ESS2: variants seen among roughly 807,000 people sequenced by gnomAD.
ESS2 encodes the protein ess-2 spliceosome associated protein, also known as splicing factor ESS-2 homolog.
In ESS2, 31 loss-of-function variants were observed where a neutral mutation model predicts 52.0. The ratio of observed to expected loss-of-function variants is 0.60; its 90% CI spans 0.45 to 0.81. ESS2 has a LOEUF of 0.81. Ranked by LOEUF, ESS2 falls within the 30% of genes least tolerant of loss-of-function variation. The pLI is 0.00. For missense variants in ESS2, 602 were observed against 637.2 expected (o/e 0.94, Z 0.59); for synonymous variants, 285 against 259.2 (o/e 1.10, Z -0.95).
In ESS2 at chr22:19,132,015, C is replaced by T; in HGVS notation, c.*2181G>A. On this transcript the variant is annotated 3_prime_UTR_variant, in exon 10 of 10. Transcript: ENST00000252137. This position sits in a 1 kb window ranked among gnomAD's most constrained non-coding sequence, Gnocchi z 4.2. Reference sequence around the variant, plus strand: ...TGACATCTGGAGCCTGGGCGTGATCCTGTACATCATGGTCTGCGGCTCCAT... The same window carrying T: ...TGACATCTGGAGCCTGGGCGTGATCTTGTACATCATGGTCTGCGGCTCCAT... 6.2e-7 allele frequency: 1 copy of T among 1,614,084 alleles called. No homozygotes were observed. The highest frequency in any genetic ancestry group is 8.5e-7 in the Non-Finnish European group (1 of 1,179,976).
At chr22:19,139,011 G>T in intron 6 of ESS2, 148 bp downstream of exon 6, 1 of 1,141,472 alleles carries the variant, frequency 8.8e-7, no homozygotes, top group East Asian at 2.6e-5. Flanking sequence ...CTGGGGCCAA[G>T]GAAAGACTCA....
intron 6 of ESS2, 127 bp downstream of exon 6, chr22:19,139,032 G>A (rs989206347): frequency 2.2e-5 from 29 of 1,296,774 alleles, no homozygotes; most frequent in East Asian, 1.5e-4. Context: ...GGATCCTGCC[G>A]CACAGGGCCC....
In ESS2 at chr22:19,139,290, C is replaced by CGAAGCTG. The variant is rs1219987976; in HGVS notation, c.690_691insCAGCTTC (p.Val231GlnfsTer5). On this transcript the variant is annotated frameshift_variant and splice_region_variant, in exon 6 of 10. Transcript: ENST00000252137. LOFTEE classifies it high-confidence loss of function. ...TTAAACAGCTGCTCCTCGTCAGGGA[C>CGAAGCTG]ACCTGGCAGACGAAGCAAAGGTAGC... 6.3e-7 allele frequency: 1 copy of CGAAGCTG among 1,590,724 alleles called. No homozygotes were observed. The highest frequency in any genetic ancestry group is 1.7e-5 in the Admixed American group (1 of 57,642).
In ESS2 at chr22:19,131,353, A is replaced by G. The variant is rs752034286; in HGVS notation, c.*2843T>C. ...ATGAGGACAATGCCTGCTGGCCCAC[A>G]TGACGGGGGGATGTAGACGGCAGCG... On this transcript the variant is annotated 3_prime_UTR_variant, in exon 10 of 10. Coordinates refer to ENST00000252137, the MANE Select transcript of ESS2 (RefSeq NM_022719.3). This position sits in a 1 kb window ranked among gnomAD's most constrained non-coding sequence, Gnocchi z 5.7. 2.6e-6 allele frequency: 4 copies of G among 1,509,676 alleles called. No individual in the cohort carries two copies. The highest frequency in any genetic ancestry group is 2.8e-5 in the African/African-American group (2 of 71,952). 93.5% of individuals were successfully genotyped at this position (1,509,676 alleles called of 1,614,324 possible).
At chr22:19,134,606 G>T in intron 9 of ESS2, 131 bp from the exon 10 acceptor site, 1 of 1,004,994 alleles carries the variant, frequency 1.0e-6, no homozygotes, top group Non-Finnish European at 1.4e-6. Flanking sequence ...GGATGGTACT[G>T]CCAGCATGGC....
Position 19,139,172 on chromosome 22 carries a change from G to T in ESS2, c.809C>A (p.Ala270Asp). The change falls in exon 6 of 10, where the codon GCC (alanine) becomes GAC (aspartate). Residue 270 changes from alanine (A) to aspartate (D), a missense_variant. Physicochemically the swap from Ala to Asp is moderately radical, Grantham distance 126. Transcript: ENST00000252137. ...CCGCCTGCTCACCTGGGCATTGAGG[G>T]CGGCTGCCTGCTGGAGCTGGCACCT... ...LSRCQLQQAAALNAQHKQGKV... is the reference protein window; with the variant it reads ...LSRCQLQQAADLNAQHKQGKV... 4 of 1,598,518 alleles carry T rather than the reference G, an allele frequency of 2.5e-6. No individual in the cohort carries two copies. The highest frequency in any genetic ancestry group is 2.6e-6 in the Non-Finnish European group (3 of 1,172,244).
chr22:19,132,712 C>G lies in ESS2; in HGVS notation c.*1484G>C. The G allele has an allele frequency of 1.9e-6, 1 of 526,532 alleles. No individual in the cohort carries two copies. Among genetic ancestry groups the G allele is most frequent in the Non-Finnish European group, 3.4e-6 (1 of 296,378 alleles). The allele number at this position is 526,532 out of a possible 1,614,324, so 32.6% of individuals were successfully genotyped here. A position where few individuals can be genotyped will look rare whatever the true frequency, so the allele number is the denominator to read the frequency against. ...AGGGTGTGTGCAAGCATCAAGAGTG[C>G]CCAGTGAGGAGTGTTTTTCTCTGGG... On this transcript the variant is annotated 3_prime_UTR_variant, in exon 10 of 10. Coordinates refer to ENST00000252137, the MANE Select transcript of ESS2 (RefSeq NM_022719.3). The surrounding 1 kb of genome is among the most constrained non-coding windows in gnomAD (Gnocchi z 4.2).
Position 19,133,311 on chromosome 22 carries a change from C to G in ESS2, c.*885G>C, listed in dbSNP as rs2083528227. 1 of 152,636 alleles carries G rather than the reference C, an allele frequency of 6.6e-6. No homozygotes were observed. Among genetic ancestry groups the G allele is most frequent in the South Asian group, 2.1e-4 (1 of 4,832 alleles). The allele number at this position is 152,636 out of a possible 1,614,324, so 9.5% of individuals were successfully genotyped here. A position where few individuals can be genotyped will look rare whatever the true frequency, so the allele number is the denominator to read the frequency against. ...CCCCTCCCTCCCCACTTCCTGGGGG[C>G]TCCCTTGGGATAACGTGCACCCTTT... On this transcript the variant is annotated 3_prime_UTR_variant, in exon 10 of 10. Transcript: ENST00000252137.
chr22:19,134,041 C>A lies in ESS2; in HGVS notation c.*155G>T. On this transcript the variant is annotated 3_prime_UTR_variant, in exon 10 of 10. Transcript: ENST00000252137. ...GTGGGCACGAGTGCCTTGTGCCAGT[C>A]TGGCCCCAGCACAGCCCCTTTCTCC... The A allele has an allele frequency of 2.1e-6, 2 of 931,570 alleles. No individual in the cohort carries two copies. The highest frequency in any genetic ancestry group is 4.1e-5 in the Admixed American group (1 of 24,536). The allele number at this position is 931,570 out of a possible 1,614,324, so 57.7% of individuals were successfully genotyped here. A position where few individuals can be genotyped will look rare whatever the true frequency, so the allele number is the denominator to read the frequency against.
In ESS2 at chr22:19,139,712, G is replaced by C. The variant is rs776917270; in HGVS notation, c.588C>G (p.Leu196=). ...EEFEKRQKDN[L]ELPSAEHQAI... ...CCTGGTGCTCTGCTGACGGGAGTTC[G>C]AGATTATCTTTCTGCCTCTGCAATC... Residue 196 remains leucine (L), a synonymous_variant, in exon 5 of 10, where the codon CTC becomes CTG. Transcript: ENST00000252137. The C allele has an allele frequency of 1.2e-6, 2 of 1,614,150 alleles. No homozygotes were observed.
At chr22:19,139,582 C>T (rs373670027) in intron 5 of ESS2, 30 bp downstream of exon 5, 16 of 1,591,600 alleles carry the variant, frequency 1.0e-5, no homozygotes, top group East Asian at 4.5e-5. Context: ...CCCAACACCT[C>T]CCCATTTGGC....
chr22:19,139,983 G>C lies in ESS2; in HGVS notation c.442C>G (p.Leu148Val), dbSNP rs1284509039. 1.1e-5 allele frequency: 17 copies of C among 1,614,008 alleles called. No homozygotes were observed. The highest frequency in any genetic ancestry group is 1.4e-5 in the Non-Finnish European group (17 of 1,180,028). ...EEEEKEPLPS[L>V]DVFLSRYTSE... is the part of the protein sequence containing the mutation. ...GTGTAGCGGCTCAGGAAGACATCTA[G>C]GCTGGGCAGCGGCTCCTTCTCCTCC... The change falls in exon 4 of 10, where the codon CTA (leucine) becomes GTA (valine). Residue 148 changes from leucine (L) to valine (V), a missense_variant. Coordinates refer to ENST00000252137, the MANE Select transcript of ESS2 (RefSeq NM_022719.3).
At position 19,132,184 on chromosome 22, in the gene ESS2, A is replaced by C. The variant is rs1460967628; in HGVS notation, c.*2012T>G. The C allele has an allele frequency of 6.2e-7, 1 of 1,613,120 alleles. No individual in the cohort carries two copies. Among genetic ancestry groups the C allele is most frequent in the South Asian group, 1.1e-5 (1 of 91,064 alleles). ...CAGCCCGACGTCAGCCAGCGGCTCC[A>C]CATCGATGAGATCCTCAGCCACTCG... On this transcript the variant is annotated 3_prime_UTR_variant, in exon 10 of 10. Coordinates refer to ENST00000252137, the MANE Select transcript of ESS2 (RefSeq NM_022719.3). The surrounding 1 kb of genome is among the most constrained non-coding windows in gnomAD (Gnocchi z 4.2).
At chr22:19,136,707 G>A (rs1048604026) in intron 8 of ESS2, among the ~76,000 whole-genome samples, 20 of 152,092 alleles carry the variant, frequency 1.3e-4, no homozygotes, top group African/African-American at 3.9e-4. Flanking sequence ...CCTCTCGCAC[G>A]TTTGCCTTGG....
intron 3 of ESS2, among the ~76,000 whole-genome samples, chr22:19,140,846 C>A (rs115142450): frequency 2.0e-4 from 30 of 152,172 alleles, no homozygotes; most frequent in Non-Finnish European, 3.4e-4. Context: ...GAAGTGAAAC[C>A]CTGACCATCT....
At chr22:19,142,056 C>T (rs2083695869) in intron 3 of ESS2, among the ~76,000 whole-genome samples, 1 of 152,198 alleles carries the variant, frequency 6.6e-6, no homozygotes, top group African/African-American at 2.4e-5. Flanking sequence ...CAAAGCCAGG[C>T]TGGAAGCCAC....
rs148153676 is a variant in ESS2, at chr22:19,132,756, C to G, written c.*1440G>C. 3.9e-5 allele frequency: 17 copies of G among 434,914 alleles called. No individual in the cohort carries two copies. Among genetic ancestry groups the G allele is most frequent in the Admixed American group, 3.7e-4 (9 of 24,424 alleles). 26.9% of individuals were successfully genotyped at this position (434,914 alleles called of 1,614,324 possible). A position where few individuals can be genotyped will look rare whatever the true frequency, so the allele number is the denominator to read the frequency against. On this transcript the variant is annotated 3_prime_UTR_variant, in exon 10 of 10. Transcript: ENST00000252137. The surrounding 1 kb of genome is among the most constrained non-coding windows in gnomAD (Gnocchi z 4.2). ...CTCTGGGACTCAGCCAACCGCCCCA[C>G]CTGACACACAGTGGTCTCCGGCCTA...
At chr22:19,137,455 C>T in intron 7 of ESS2, 23 bp from the exon 8 acceptor site, 3 of 1,581,760 alleles carry the variant, frequency 1.9e-6, no homozygotes, top group Non-Finnish European at 8.7e-7. Flanking sequence ...AGCCCAAAAC[C>T]ACCTCAGGCC....
intron 3 of ESS2, among the ~76,000 whole-genome samples, chr22:19,140,601 C>G (rs202049370): frequency 4.7e-4 from 71 of 152,250 alleles, no homozygotes; most frequent in South Asian, 2.3e-3. Context: ...AACACCCCCC[C>G]CTCCGACCAA....
Sources: allele counts gnomAD v4.1 joint callset (sites outside exome capture counted in the v4.1 genomes callset), GRCh38; gene constraint gnomAD v4.1.1; non-coding constraint Gnocchi (gnomAD v3.1); transcripts MANE v1.5; gene names NCBI Gene and HGNC (gene_info 2026-07-23, HGNC 2026-07-21).